The following NALF1 variants were observed in gnomAD, a reference collection of about 807,000 sequenced individuals.
The protein encoded by NALF1 is family with sequence similarity 155 member A.
A neutral mutation model predicts 48.4 loss-of-function variants in NALF1; 3 were observed. The observed-to-expected ratio is 0.06, with a 90% confidence interval of 0.03 to 0.16. The LOEUF is 0.16. Ranked by LOEUF, NALF1 falls within the 10% of genes least tolerant of loss-of-function variation. The probability of loss-of-function intolerance (pLI) is 1.00; values close to 1 mark genes in which losing one functional copy is unlikely to be tolerated. For missense variants in NALF1, 526 were observed against 571.5 expected, an observed-to-expected ratio of 0.92 and a Z score of 0.81; for synonymous variants, 262 against 245.7, an observed-to-expected ratio of 1.07 and a Z score of -0.62.
intron 1 of NALF1, among the ~76,000 whole-genome samples, chr13:107,738,240 G>A (rs180902667): frequency 1.1e-3 from 172 of 152,282 alleles, no homozygotes; most frequent in African/African-American, 3.9e-3. Flanking sequence ...GGAGGTGACC[G>A]AAAACACTTT....
intron 1 of NALF1, among the ~76,000 whole-genome samples, chr13:107,782,697 G>T (rs1227876783): frequency 6.7e-6 from 1 of 149,456 alleles, no homozygotes. Context: ...GAGTGCCTTT[G>T]CCCCGCCGCC....
intron 1 of NALF1, among the ~76,000 whole-genome samples, chr13:107,496,668 G>A (rs1044196389): frequency 1.3e-5 from 2 of 152,162 alleles, no homozygotes; most frequent in East Asian, 1.9e-4. Context: ...AAAGACATAC[G>A]TGAGACTGGG....
At chr13:107,393,583 C>G (rs1469601056) in intron 1 of NALF1, among the ~76,000 whole-genome samples, 3 of 152,036 alleles carry the variant, frequency 2.0e-5, no homozygotes, top group African/African-American at 7.2e-5. Context: ...CTCAGTGGGC[C>G]CGCCCATAGG....
chr13:107,219,762 A>G (rs929198441), intron 1 of NALF1, among the ~76,000 whole-genome samples: 1 of 152,222 alleles, frequency 6.6e-6, no homozygotes, highest in Admixed American at 6.5e-5. Flanking sequence ...TCATAAAACC[A>G]AAGAGAAAGG....
At chr13:107,255,327 A>G (rs549441188) in intron 1 of NALF1, among the ~76,000 whole-genome samples, 16 of 152,144 alleles carry the variant, frequency 1.1e-4, no homozygotes, top group African/African-American at 3.9e-4. Context: ...CTTTCTTTCT[A>G]TTCATCTCTT....
chr13:107,854,831 G>A (rs1177297994), intron 1 of NALF1, among the ~76,000 whole-genome samples: 2 of 146,574 alleles, frequency 1.4e-5, no homozygotes, highest in African/African-American at 2.6e-5. Flanking sequence ...CCAAGATGGC[G>A]CCACTGCACT....
At chr13:107,665,293 T>C (rs1880828866) in intron 1 of NALF1, among the ~76,000 whole-genome samples, 1 of 152,206 alleles carries the variant, frequency 6.6e-6, no homozygotes, top group Non-Finnish European at 1.5e-5. Flanking sequence ...CCAATGAGAT[T>C]TATCATTGTG....
intron 1 of NALF1, among the ~76,000 whole-genome samples, chr13:107,410,327 T>A (rs551909872): frequency 9.9e-5 from 15 of 152,278 alleles, no homozygotes; most frequent in South Asian, 2.1e-4. Flanking sequence ...TCAGGCTTCC[T>A]GTGTGTCTCC....
Position 107,866,816 on chromosome 13 carries a change from A to G in NALF1, c.-220T>C, listed in dbSNP as rs899577685. ...CTCTCTGTCTCTTTTGCCTACATAAATATTACCAGGCTTTGAAGGAAGGTC... is the reference window on the plus strand; with the variant it reads ...CTCTCTGTCTCTTTTGCCTACATAAGTATTACCAGGCTTTGAAGGAAGGTC... On this transcript the variant is annotated 5_prime_UTR_variant, in exon 1 of 3. Transcript: ENST00000375915. This position sits in a 1 kb window ranked among gnomAD's most constrained non-coding sequence, Gnocchi z 4.4. 3.5e-6 allele frequency: 2 copies of G among 570,078 alleles called. No homozygotes were observed. Among genetic ancestry groups the G allele is most frequent in the South Asian group, 2.3e-5 (1 of 43,072 alleles). The allele number at this position is 570,078 out of a possible 1,614,324, so 35.3% of individuals were successfully genotyped here. A position where few individuals can be genotyped will look rare whatever the true frequency, so the allele number is the denominator to read the frequency against.
intron 1 of NALF1, among the ~76,000 whole-genome samples, chr13:107,503,886 A>G (rs927824620): frequency 6.6e-6 from 1 of 151,634 alleles, no homozygotes; most frequent in African/African-American, 2.4e-5. Context: ...AAAGCCAGAC[A>G]TAGAAAGAAA....
At chr13:107,691,129 T>C (rs1334232162) in intron 1 of NALF1, among the ~76,000 whole-genome samples, 1 of 152,168 alleles carries the variant, frequency 6.6e-6, no homozygotes, top group African/African-American at 2.4e-5. Flanking sequence ...CTCAGATGCA[T>C]ACACAGTGAG....
chr13:107,564,187 A>G (rs1331049042), intron 1 of NALF1, among the ~76,000 whole-genome samples: 1 of 152,208 alleles, frequency 6.6e-6, no homozygotes, highest in Non-Finnish European at 1.5e-5. Context: ...TCTGCAATCT[A>G]AAAGTTCATC....
intron 1 of NALF1, among the ~76,000 whole-genome samples, chr13:107,261,078 C>G (rs1363994972): frequency 6.6e-6 from 1 of 152,206 alleles, no homozygotes; most frequent in African/African-American, 2.4e-5. Flanking sequence ...TGTGCGAAGC[C>G]ACTAAAATTT....
intron 1 of NALF1, among the ~76,000 whole-genome samples, chr13:107,652,352 G>A (rs1002775970): frequency 6.6e-6 from 1 of 152,080 alleles, no homozygotes; most frequent in Non-Finnish European, 1.5e-5. Context: ...ATATTTAAAT[G>A]TTATTATTAG....
At chr13:107,623,194 A>C (rs1368064504) in intron 1 of NALF1, among the ~76,000 whole-genome samples, 1 of 152,182 alleles carries the variant, frequency 6.6e-6, no homozygotes, top group Non-Finnish European at 1.5e-5. Context: ...ACCTGTTAAA[A>C]ATTTTCAAGT....
At chr13:107,522,538 C>T (rs1012447846) in intron 1 of NALF1, among the ~76,000 whole-genome samples, 8 of 151,594 alleles carry the variant, frequency 5.3e-5, no homozygotes, top group Admixed American at 5.3e-4. Context: ...GATAAACTTT[C>T]CTTCAGTTCA....
At chr13:107,639,552 T>A (rs1490254930) in intron 1 of NALF1, among the ~76,000 whole-genome samples, 1 of 151,148 alleles carries the variant, frequency 6.6e-6, no homozygotes, top group Non-Finnish European at 1.5e-5. Context: ...TACTAGCTGT[T>A]CCACTCCACG....
At chr13:107,658,411 T>G (rs750114061) in intron 1 of NALF1, among the ~76,000 whole-genome samples, 10 of 152,054 alleles carry the variant, frequency 6.6e-5, no homozygotes, top group Admixed American at 1.3e-4. Flanking sequence ...TCTTATCACC[T>G]TCCTTAATAA....
At chr13:107,764,661 G>T (rs1210226699) in intron 1 of NALF1, among the ~76,000 whole-genome samples, 1 of 152,122 alleles carries the variant, frequency 6.6e-6, no homozygotes, top group African/African-American at 2.4e-5. Context: ...GTGTTGTCAA[G>T]CGTGGAATGC....
Sources: gnomAD v4.1 joint callset for allele counts (sites outside exome capture counted in the v4.1 genomes callset) on GRCh38, gnomAD v4.1.1 for gene constraint, Gnocchi (gnomAD v3.1) non-coding constraint, MANE v1.5 for transcripts, NCBI Gene and HGNC (gene_info 2026-07-23, HGNC 2026-07-21) for gene names.